Variants in LYRM4 observed in about 807,000 individuals in gnomAD.
The protein encoded by LYRM4 is LYR motif containing 4.
In LYRM4, 9 loss-of-function variants were observed where a neutral mutation model predicts 11.7. That is an observed-to-expected ratio of 0.77 (90% CI 0.46 to 1.34). The LOEUF is 1.34. Ranked by LOEUF, LYRM4 falls within the 40% of genes most tolerant of loss-of-function variation. The pLI is 0.00. For missense variants in LYRM4, 133 were observed against 112.5 expected (o/e 1.18, Z -0.82); for synonymous variants, 42 against 40.4 (o/e 1.04, Z -0.15).
chr6:5,127,858 G>A (rs901874714), intron 2 of LYRM4, among the ~76,000 whole-genome samples: 5 of 151,844 alleles, frequency 3.3e-5, no homozygotes, highest in African/African-American at 1.2e-4. Flanking sequence ...TTTAAAACCT[G>A]TGATAAAAAC....
At chr6:5,137,496 G>A (rs1424172948) in intron 2 of LYRM4, among the ~76,000 whole-genome samples, 1 of 152,182 alleles carries the variant, frequency 6.6e-6, no homozygotes, top group African/African-American at 2.4e-5. Context: ...TTAGTGAGAA[G>A]CTTACAAAGG....
At chr6:5,045,564 C>A in the LYRM4 span, among the ~76,000 whole-genome samples, 1 of 152,150 alleles carries the variant, frequency 6.6e-6, no homozygotes, top group Non-Finnish European at 1.5e-5. Flanking sequence ...GTTTATGTTA[C>A]CACGATTTGT....
chr6:5,260,598 TCCCCGGC>T lies in LYRM4; in HGVS notation c.86+43_86+49del. ...ATTCCGCGTCAGCCCGCACCCCCGG[TCCCCGGC>T]CCCTGGCCCCCCGCCCCCGGCCCCC... On this transcript the variant is annotated intron_variant, in intron 1 of 2. Transcript: ENST00000330636. 4.5e-6 allele frequency: 5 copies of T among 1,105,568 alleles called. No individual in the cohort carries two copies. In the South Asian group the frequency reaches 6.6e-5, roughly 15 times the overall value. The allele number at this position is 1,105,568 out of a possible 1,614,324, so 68.5% of individuals were successfully genotyped here. A position where few individuals can be genotyped will look rare whatever the true frequency, so the allele number is the denominator to read the frequency against.
chr6:5,039,031 T>A, the LYRM4 span, among the ~76,000 whole-genome samples: 3 of 152,308 alleles, frequency 2.0e-5, no homozygotes, highest in East Asian at 3.9e-4. Context: ...GTTTCTTTTA[T>A]CAAAATTATT....
At chr6:5,125,387 T>A (rs1763654464) in intron 2 of LYRM4, among the ~76,000 whole-genome samples, 1 of 152,218 alleles carries the variant, frequency 6.6e-6, no homozygotes, top group Admixed American at 6.5e-5. Flanking sequence ...GCAGCCGGGA[T>A]GGAGCCCATG....
chr6:5,094,751 G>T, the LYRM4 span, among the ~76,000 whole-genome samples: 1 of 152,126 alleles, frequency 6.6e-6, no homozygotes, highest in Non-Finnish European at 1.5e-5. Flanking sequence ...TGGTGTTTCT[G>T]TATGTATTAC....
downstream of LYRM4, chr6:5,105,301 G>C (rs1412081649): frequency 1.3e-5 from 2 of 152,460 alleles, no homozygotes; most frequent in Non-Finnish European, 2.9e-5. Flanking sequence ...AGCTGGGGCA[G>C]CTCTGCTCCA....
At chr6:5,185,349 G>A (rs1247373108) in intron 2 of LYRM4, among the ~76,000 whole-genome samples, 1 of 152,210 alleles carries the variant, frequency 6.6e-6, no homozygotes, top group Non-Finnish European at 1.5e-5. Flanking sequence ...AAGACGGCTG[G>A]AAAGGACATC....
intron 2 of LYRM4, among the ~76,000 whole-genome samples, chr6:5,162,320 TC>T (rs560653136): frequency 1.1e-3 from 164 of 152,294 alleles, no homozygotes; most frequent in Middle Eastern, 0.01. Flanking sequence ...TTTTTAAAAA[TC>T]CCACTAAGTC....
chr6:5,090,417 C>T, the LYRM4 span, among the ~76,000 whole-genome samples: 7 of 152,276 alleles, frequency 4.6e-5, no homozygotes, highest in East Asian at 1.4e-3. This position sits in a 1 kb window ranked among gnomAD's most constrained non-coding sequence, Gnocchi z 4.8. Flanking sequence ...CAAGACTTAA[C>T]TAGGGAGGGT....
chr6:5,073,594 T>C, the LYRM4 span, among the ~76,000 whole-genome samples: 1 of 148,352 alleles, frequency 6.7e-6, no homozygotes, highest in Non-Finnish European at 1.5e-5. Flanking sequence ...ATATTTTATA[T>C]ATAGTCTGTA....
intron 2 of LYRM4, among the ~76,000 whole-genome samples, chr6:5,118,732 G>A (rs986727660): frequency 1.3e-5 from 2 of 152,088 alleles, no homozygotes; most frequent in African/African-American, 2.4e-5. Context: ...CACTGAAATA[G>A]GGACACATGA....
At chr6:5,162,511 G>GAGAA (rs1554133082) in intron 2 of LYRM4, among the ~76,000 whole-genome samples, 2 of 147,630 alleles carry the variant, frequency 1.4e-5, no homozygotes, top group Non-Finnish European at 3.0e-5. Flanking sequence ...GAGAGAGAGA[G>GAGAA]AGAGAGAGAG....
the LYRM4 span, among the ~76,000 whole-genome samples, chr6:5,057,310 G>GC: frequency 1.3e-5 from 2 of 152,100 alleles, no homozygotes; most frequent in Non-Finnish European, 2.9e-5. Context: ...GGAGCTCAAG[G>GC]CCTTCCCAAT....
At chr6:5,134,490 G>A (rs997999485) in intron 2 of LYRM4, among the ~76,000 whole-genome samples, 1 of 152,174 alleles carries the variant, frequency 6.6e-6, no homozygotes, top group South Asian at 2.1e-4. Flanking sequence ...TGTATTTGAT[G>A]ATATTAAGGA....
At chr6:5,158,208 G>A (rs1165564646) in intron 2 of LYRM4, among the ~76,000 whole-genome samples, 1 of 152,214 alleles carries the variant, frequency 6.6e-6, no homozygotes, top group Non-Finnish European at 1.5e-5. Flanking sequence ...ACACTTATGT[G>A]TCTTCATATA....
At chr6:5,056,201 T>TA in the LYRM4 span, among the ~76,000 whole-genome samples, 1 of 152,300 alleles carries the variant, frequency 6.6e-6, no homozygotes, top group Non-Finnish European at 1.5e-5. Flanking sequence ...ATTGGCTTTT[T>TA]AAAAAACAGT....
chr6:5,058,047 C>T, the LYRM4 span, among the ~76,000 whole-genome samples: 1 of 152,206 alleles, frequency 6.6e-6, no homozygotes, highest in Admixed American at 6.5e-5. Context: ...CCACCACACC[C>T]TGCCTCTATT....
chr6:5,158,321 C>A (rs1758539091), intron 2 of LYRM4, among the ~76,000 whole-genome samples: 1 of 152,084 alleles, frequency 6.6e-6, no homozygotes, highest in African/African-American at 2.4e-5. Context: ...GGCAAGTATT[C>A]TTGGCAATAA....
Sources: allele counts gnomAD v4.1 joint callset (sites outside exome capture counted in the v4.1 genomes callset), GRCh38; gene constraint gnomAD v4.1.1; non-coding constraint Gnocchi (gnomAD v3.1); transcripts MANE v1.5; gene names NCBI Gene and HGNC (gene_info 2026-07-23, HGNC 2026-07-21).